HIPK2: variants seen among roughly 807,000 people sequenced by gnomAD.
The protein encoded by HIPK2 is homeodomain-interacting protein kinase 2.
A neutral mutation model predicts 113.7 loss-of-function variants in HIPK2; 27 were observed. The ratio of observed to expected loss-of-function variants is 0.24; its 90% CI spans 0.17 to 0.33. HIPK2 has a LOEUF of 0.33. HIPK2 is among the 10% of genes least tolerant of loss of function. HIPK2 has a pLI of 1.00. For missense variants in HIPK2, 1,257 were observed against 1,588.0 expected (o/e 0.79, Z 3.54); for synonymous variants, 631 against 642.2 (o/e 0.98, Z 0.26).
At chr7:139,684,270 C>T (rs1794151163) in intron 2 of HIPK2, among the ~76,000 whole-genome samples, 1 of 152,150 alleles carries the variant, frequency 6.6e-6, no homozygotes, top group South Asian at 2.1e-4. Flanking sequence ...CTTCTCGGGC[C>T]TCTCTCTTCT....
intron 12 of HIPK2, among the ~76,000 whole-genome samples, chr7:139,586,797 G>A (rs1798846834): frequency 6.6e-6 from 1 of 151,958 alleles, no homozygotes; most frequent in African/African-American, 2.4e-5. Flanking sequence ...CAATATGGAT[G>A]AACCTCGAAA....
At position 139,716,150 on chromosome 7, in the gene HIPK2, G is replaced by C. The variant is rs764552154; in HGVS notation, c.885C>G (p.Pro295=). The stretch of plus-strand genomic sequence containing the variant: ...CTGGGCGAATGTATTTGAGGGGCAA[G>C]GGGCTAAACTTGTTTTGCTTCAGAA... ...YDFLKQNKFS[P]LPLKYIRPVL... is the part of the protein sequence containing the mutation. Residue 295 remains proline (P), a synonymous_variant, in exon 2 of 15, where the codon CCC becomes CCG. Transcript: ENST00000406875. This position sits in a 1 kb window ranked among gnomAD's most constrained non-coding sequence, Gnocchi z 9.3. 1.9e-6 allele frequency: 3 copies of C among 1,614,042 alleles called. No individual in the cohort carries two copies. The East Asian group carries it at 6.7e-5, about 36-fold the overall frequency.
At chr7:139,618,603 C>T (rs762322619) in intron 7 of HIPK2, among the ~76,000 whole-genome samples, 29 of 152,286 alleles carry the variant, frequency 1.9e-4, no homozygotes, top group Middle Eastern at 3.4e-3. Context: ...AGAGTCTTTG[C>T]GACACCCTTT....
chr7:139,759,373 G>T (rs1796426998), intron 1 of HIPK2, among the ~76,000 whole-genome samples: 1 of 152,140 alleles, frequency 6.6e-6, no homozygotes, highest in South Asian at 2.1e-4. Flanking sequence ...GGAAGAATTT[G>T]TCAATAACTT....
chr7:139,672,203 C>G (rs138534864), intron 2 of HIPK2, among the ~76,000 whole-genome samples: 8 of 152,106 alleles, frequency 5.3e-5, no homozygotes, highest in East Asian at 1.9e-4. Context: ...CCTGCCCTCA[C>G]GGAATTTACA....
chr7:139,703,856 C>T (rs1794791029), intron 2 of HIPK2, among the ~76,000 whole-genome samples: 1 of 14,422 alleles, frequency 6.9e-5, no homozygotes, highest in Non-Finnish European at 1.4e-4. Flanking sequence ...ACACTATACC[C>T]AACCTACACA....
Position 139,761,738 on chromosome 7 carries a change from T to C in HIPK2, c.19+15867A>G, listed in dbSNP as rs77207412. ...TTCGACAAACCAGCCTTGAAGGGTA[T>C]TTGAGGGCCAGTTATGGAAATCGGA... On this transcript the variant is annotated intron_variant, in intron 1 of 14. Coordinates refer to ENST00000406875, the MANE Select transcript of HIPK2 (RefSeq NM_022740.5). 4.9e-3 allele frequency among the ~76,000 whole-genome samples: 741 copies of C among 152,236 alleles called. 6 individuals carry two copies. Among genetic ancestry groups the C allele is most frequent in the Admixed American group, 9.1e-3 (139 of 15,292 alleles).
At chr7:139,585,533 A>G (rs1462766316) in intron 12 of HIPK2, among the ~76,000 whole-genome samples, 2 of 152,358 alleles carry the variant, frequency 1.3e-5, no homozygotes, top group East Asian at 3.9e-4. Context: ...CCTTGGAGTC[A>G]GCTGTCTAAC....
chr7:139,608,328 A>T (rs1446791045), intron 9 of HIPK2, among the ~76,000 whole-genome samples: 1 of 140,896 alleles, frequency 7.1e-6, no homozygotes, highest in Non-Finnish European at 1.5e-5. Context: ...TATATATATA[A>T]AATATATATA....
At chr7:139,707,849 A>C (rs958274352) in intron 2 of HIPK2, among the ~76,000 whole-genome samples, 1 of 152,148 alleles carries the variant, frequency 6.6e-6, no homozygotes, top group Non-Finnish European at 1.5e-5. Flanking sequence ...TGCAGGAAGG[A>C]AGGCACGTTC....
chr7:139,770,441 G>C (rs1161601064), intron 1 of HIPK2, among the ~76,000 whole-genome samples: 1 of 152,154 alleles, frequency 6.6e-6, no homozygotes, highest in African/African-American at 2.4e-5. Context: ...TAAGCCCTTG[G>C]ACGAATGATT....
At chr7:139,646,567 C>T (rs1801237985) in intron 2 of HIPK2, among the ~76,000 whole-genome samples, 1 of 151,400 alleles carries the variant, frequency 6.6e-6, no homozygotes, top group African/African-American at 2.4e-5. Context: ...ACTGCTCCAT[C>T]TTCTCATTAA....
intron 1 of HIPK2, among the ~76,000 whole-genome samples, chr7:139,747,486 A>G (rs1466956673): frequency 6.6e-6 from 1 of 152,196 alleles, no homozygotes; most frequent in Admixed American, 6.5e-5. Context: ...CTTTTCTTCA[A>G]GTATCTTAAT....
intron 1 of HIPK2, among the ~76,000 whole-genome samples, chr7:139,718,186 A>G (rs1472918477): frequency 6.6e-6 from 1 of 152,252 alleles, no homozygotes; most frequent in Non-Finnish European, 1.5e-5. Context: ...AGCAAAAATA[A>G]TAAGGTGATG....
chr7:139,697,731 C>T (rs1451083229), intron 2 of HIPK2, among the ~76,000 whole-genome samples: 1 of 152,116 alleles, frequency 6.6e-6, no homozygotes, highest in Non-Finnish European at 1.5e-5. Context: ...TCACTCATAA[C>T]GTTGTACAAA....
At chr7:139,740,296 C>T (rs1339562191) in intron 1 of HIPK2, among the ~76,000 whole-genome samples, 5 of 152,216 alleles carry the variant, frequency 3.3e-5, no homozygotes, top group African/African-American at 7.2e-5. Flanking sequence ...AGCTGTGACT[C>T]GCTCAGTGCC....
chr7:139,675,781 C>T (rs917581137), intron 2 of HIPK2, among the ~76,000 whole-genome samples: 3 of 152,144 alleles, frequency 2.0e-5, no homozygotes, highest in Admixed American at 6.5e-5. Flanking sequence ...TGAACTGGGA[C>T]TGGGAGAAGG....
intron 2 of HIPK2, among the ~76,000 whole-genome samples, chr7:139,659,996 C>T (rs756512193): frequency 6.6e-6 from 1 of 152,172 alleles, no homozygotes; most frequent in Non-Finnish European, 1.5e-5. Flanking sequence ...TTTTGAAATT[C>T]GGAATTGTTC....
chr7:139,629,326 T>C (rs1800535124), intron 4 of HIPK2, among the ~76,000 whole-genome samples: 1 of 152,190 alleles, frequency 6.6e-6, no homozygotes, highest in African/African-American at 2.4e-5. Flanking sequence ...CTCGATCAGC[T>C]TACAGCCTTC....
Sources: gnomAD v4.1 joint callset for allele counts (sites outside exome capture counted in the v4.1 genomes callset) on GRCh38, gnomAD v4.1.1 for gene constraint, Gnocchi (gnomAD v3.1) non-coding constraint, MANE v1.5 for transcripts, NCBI Gene and HGNC (gene_info 2026-07-23, HGNC 2026-07-21) for gene names.